The following MRTFA variants were observed in gnomAD, a reference collection of about 807,000 sequenced individuals.
The protein encoded by MRTFA is myocardin related transcription factor A, also known as myocardin-related transcription factor A.
MRTFA carries 20 observed loss-of-function variants against 83.5 expected under a neutral mutation model. That is an observed-to-expected ratio of 0.24 (90% CI 0.17 to 0.35). The LOEUF is 0.35. MRTFA is among the 10% of genes least tolerant of loss of function. The probability of loss-of-function intolerance (pLI) is 1.00; values close to 1 mark genes in which losing one functional copy is unlikely to be tolerated. For synonymous variants in MRTFA, 659 were observed against 541.2 expected, an observed-to-expected ratio of 1.22 and a Z score of -3.02; for missense variants, 1,200 against 1,224.7, an observed-to-expected ratio of 0.98 and a Z score of 0.30.
chr22:40,533,638 C>T (rs889266629), intron 3 of MRTFA: 7 of 1,229,122 alleles, frequency 5.7e-6, no homozygotes, highest in East Asian at 3.2e-5. Context: ...AGAGTCATGA[C>T]GGATTCTTCC....
intron 3 of MRTFA, among the ~76,000 whole-genome samples, chr22:40,502,390 G>A (rs1476179414): frequency 5.7e-4 from 69 of 120,204 alleles, no homozygotes; most frequent in Non-Finnish European, 1.1e-3. Flanking sequence ...ACGGGGTCTC[G>A]GCCGGGCAGA....
chr22:40,491,306 T>C (rs1447363374), intron 3 of MRTFA, among the ~76,000 whole-genome samples: 1 of 152,032 alleles, frequency 6.6e-6, no homozygotes, highest in African/African-American at 2.4e-5. Flanking sequence ...TGAGCCACTG[T>C]ACTCCAGCCT....
intron 3 of MRTFA, among the ~76,000 whole-genome samples, chr22:40,485,990 T>G (rs2054168961): frequency 6.6e-6 from 1 of 152,160 alleles, no homozygotes; most frequent in Non-Finnish European, 1.5e-5. Flanking sequence ...CTGGCAGGCC[T>G]TCGAAGGTCG....
chr22:40,557,165 A>C (rs1406092143), intron 2 of MRTFA, among the ~76,000 whole-genome samples: 1 of 152,234 alleles, frequency 6.6e-6, no homozygotes, highest in Non-Finnish European at 1.5e-5. Context: ...AGCAAATGAA[A>C]GATACATAAA....
At chr22:40,604,603 C>T (rs1052861645) in intron 1 of MRTFA, among the ~76,000 whole-genome samples, 3 of 151,772 alleles carry the variant, frequency 2.0e-5, no homozygotes, top group Non-Finnish European at 4.4e-5. Context: ...AAAAATTAGC[C>T]GGGCGTGGTG....
At chr22:40,550,535 G>A (rs1226302377) in intron 3 of MRTFA, among the ~76,000 whole-genome samples, 1 of 152,150 alleles carries the variant, frequency 6.6e-6, no homozygotes, top group Non-Finnish European at 1.5e-5. Context: ...TATTCACTAA[G>A]TGGGGATTAA....
chr22:40,478,264 C>T (rs1394787911), intron 3 of MRTFA, among the ~76,000 whole-genome samples: 3 of 152,052 alleles, frequency 2.0e-5, no homozygotes, highest in African/African-American at 4.8e-5. Flanking sequence ...AACTGAAAAA[C>T]GACATTAGTG....
intron 3 of MRTFA, among the ~76,000 whole-genome samples, chr22:40,486,257 G>A (rs2054172816): frequency 6.6e-6 from 1 of 152,208 alleles, no homozygotes; most frequent in Non-Finnish European, 1.5e-5. Context: ...TAGGACTGCA[G>A]TTTCAGATTG....
chr22:40,457,442 G>GAA (rs1371029995), intron 4 of MRTFA, among the ~76,000 whole-genome samples: 2 of 115,566 alleles, frequency 1.7e-5, no homozygotes, highest in African/African-American at 7.1e-5. Flanking sequence ...GAAAGAGAAA[G>GAA]AAAGAAAGAA....
intron 1 of MRTFA, among the ~76,000 whole-genome samples, chr22:40,625,227 C>T (rs186892970): frequency 7.2e-5 from 11 of 152,036 alleles, no homozygotes; most frequent in Admixed American, 7.2e-4. Flanking sequence ...TGCCTGTAAT[C>T]CCAACATTTT....
intron 3 of MRTFA, among the ~76,000 whole-genome samples, chr22:40,490,463 G>A (rs911936341): frequency 2.0e-5 from 3 of 152,086 alleles, no homozygotes; most frequent in African/African-American, 7.2e-5. Flanking sequence ...CCTGGGCATG[G>A]TGGTGGGTAC....
At chr22:40,498,273 A>ATTTTTTTTTTT (rs1189933906) in intron 3 of MRTFA, among the ~76,000 whole-genome samples, 1 of 40,970 alleles carries the variant, frequency 2.4e-5, no homozygotes, top group East Asian at 9.4e-4. Flanking sequence ...ATATATATAT[A>ATTTTTTTTTTT]TTTTTTTTTT....
At chr22:40,482,790 T>C (rs996784895) in intron 3 of MRTFA, among the ~76,000 whole-genome samples, 1 of 152,132 alleles carries the variant, frequency 6.6e-6, no homozygotes, top group Admixed American at 6.5e-5. Flanking sequence ...TGGAATAGGG[T>C]AGTCATTCTA....
intron 3 of MRTFA, among the ~76,000 whole-genome samples, chr22:40,470,807 G>A (rs977303584): frequency 6.6e-6 from 1 of 151,778 alleles, no homozygotes; most frequent in Non-Finnish European, 1.5e-5. Flanking sequence ...AAATTAGCCA[G>A]GTGTGGCAAC....
At chr22:40,593,719 G>A (rs568127597) in intron 2 of MRTFA, among the ~76,000 whole-genome samples, 2 of 152,218 alleles carry the variant, frequency 1.3e-5, no homozygotes, top group Middle Eastern at 3.4e-3. Flanking sequence ...TCTCTTCTTT[G>A]TGACTGAGAG....
chr22:40,466,219 A>G (rs980941609), intron 3 of MRTFA, among the ~76,000 whole-genome samples: 1 of 152,258 alleles, frequency 6.6e-6, no homozygotes, highest in African/African-American at 2.4e-5. Context: ...ATAGATCAGC[A>G]ACAATAATTG....
intron 4 of MRTFA, among the ~76,000 whole-genome samples, chr22:40,439,504 CAAAAAA>C (rs756033541): frequency 4.4e-4 from 14 of 32,150 alleles, no homozygotes; most frequent in South Asian, 2.7e-3. Context: ...GACTCTGTCT[CAAAAAA>C]AAAAAAAAAA....
chr22:40,493,246 C>T (rs2054298508), intron 3 of MRTFA, among the ~76,000 whole-genome samples: 1 of 152,198 alleles, frequency 6.6e-6, no homozygotes, highest in Non-Finnish European at 1.5e-5. Context: ...GATATTAAGG[C>T]TGACAGCACA....
chr22:40,552,667 G>A (rs1450913844), intron 2 of MRTFA, among the ~76,000 whole-genome samples: 1 of 152,184 alleles, frequency 6.6e-6, no homozygotes, highest in African/African-American at 2.4e-5. Flanking sequence ...GTAAGTTCCT[G>A]AGGCCTCCCC....
Sources: gnomAD v4.1 joint callset for allele counts (sites outside exome capture counted in the v4.1 genomes callset) on GRCh38, gnomAD v4.1.1 for gene constraint, MANE v1.5 for transcripts, NCBI Gene and HGNC (gene_info 2026-07-23, HGNC 2026-07-21) for gene names.